Variants in ASXL2 observed in about 807,000 individuals in gnomAD.
The protein encoded by ASXL2 is ASXL transcriptional regulator 2, also known as putative Polycomb group protein ASXL2.
A neutral mutation model predicts 122.0 loss-of-function variants in ASXL2; 23 were observed. The ratio of observed to expected loss-of-function variants is 0.19; its 90% CI spans 0.14 to 0.27. ASXL2 has a LOEUF of 0.27. Among genes scored for constraint, ASXL2 ranks in the 10% least tolerant of loss-of-function variants. The pLI is 1.00. For synonymous variants in ASXL2, 650 were observed against 637.0 expected, an observed-to-expected ratio of 1.02 and a Z score of -0.31; for missense variants, 1,518 against 1,713.8, an observed-to-expected ratio of 0.89 and a Z score of 2.02.
intron 3 of ASXL2, among the ~76,000 whole-genome samples, chr2:25,831,191 C>G (rs2089446760): frequency 6.6e-6 from 1 of 151,946 alleles, no homozygotes; most frequent in Non-Finnish European, 1.5e-5. Flanking sequence ...CACCTGTAAT[C>G]CCAGCTACTC....
chr2:25,841,450 A>G (rs2089577108), intron 2 of ASXL2, among the ~76,000 whole-genome samples: 1 of 152,218 alleles, frequency 6.6e-6, no homozygotes, highest in Non-Finnish European at 1.5e-5. Context: ...GTGGGGAAAG[A>G]TAATGTCACT....
At chr2:25,841,757 C>A (rs1685291536) in intron 2 of ASXL2, among the ~76,000 whole-genome samples, 1 of 152,084 alleles carries the variant, frequency 6.6e-6, no homozygotes, top group Non-Finnish European at 1.5e-5. Flanking sequence ...ACCATCCTGG[C>A]TAACACAGTG....
At chr2:25,843,609 T>A (rs1313749286) in intron 2 of ASXL2, among the ~76,000 whole-genome samples, 3 of 151,946 alleles carry the variant, frequency 2.0e-5, no homozygotes, top group Non-Finnish European at 4.4e-5. Flanking sequence ...GAATTTAAAC[T>A]GCTTTAGAAA....
chr2:25,824,814 T>G (rs2089356896), intron 3 of ASXL2, among the ~76,000 whole-genome samples: 1 of 152,186 alleles, frequency 6.6e-6, no homozygotes, highest in Non-Finnish European at 1.5e-5. Flanking sequence ...ATGTCTAATT[T>G]CCCCACTGAG....
chr2:25,804,419 G>A (rs1047156878), intron 4 of ASXL2, among the ~76,000 whole-genome samples: 1 of 152,232 alleles, frequency 6.6e-6, no homozygotes, highest in Admixed American at 6.5e-5. Flanking sequence ...TCATGTGGGC[G>A]AAGCCAAACC....
chr2:25,786,243 C>CTTTTTTTTTTTTTTTTTTTTTTTT lies in ASXL2; in HGVS notation c.403+13141_403+13142insAAAAAAAAAAAAAAAAAAAAAAAA, dbSNP rs370316025. ...AAACAACCTACTACTCCACATCATT[C>CTTTTTTTTTTTTTTTTTTTTTTTT]TTTTTTTTTTTTTTTTGAGATGGAG... On this transcript the variant is annotated intron_variant, in intron 5 of 12. Coordinates refer to ENST00000435504, the MANE Select transcript of ASXL2 (RefSeq NM_018263.6). 7.1e-5 allele frequency among the ~76,000 whole-genome samples: 8 copies of CTTTTTTTTTTTTTTTTTTTTTTTT among 112,404 alleles called. 1 individual carries two copies. Among genetic ancestry groups the CTTTTTTTTTTTTTTTTTTTTTTTT allele is most frequent in the African/African-American group, 3.1e-4 (8 of 26,216 alleles). 73.7% of individuals were successfully genotyped at this position (112,404 alleles called of 152,430 possible).
chr2:25,735,960 T>C lies in ASXL2; in HGVS notation c.*6069A>G, dbSNP rs1343483879. The C allele has an allele frequency of 6.6e-6, 1 of 152,220 alleles. No homozygotes were observed. Among genetic ancestry groups the C allele is most frequent in the Non-Finnish European group, 1.5e-5 (1 of 68,032 alleles). The allele number at this position is 152,220 out of a possible 1,614,324, so 9.4% of individuals were successfully genotyped here. ...AAAAGGTAGTATTACTCCTTGAGCC[T>C]AGAACTAAAAACATGCTGTATAGTC... On this transcript the variant is annotated 3_prime_UTR_variant, in exon 13 of 13. Transcript: ENST00000435504.
In ASXL2 at chr2:25,743,227, T is replaced by C. The variant is rs1291317280; in HGVS notation, c.3110A>G (p.Gln1037Arg). The C allele has an allele frequency of 6.2e-7, 1 of 1,613,674 alleles. No homozygotes were observed. Among genetic ancestry groups the C allele is most frequent in the Non-Finnish European group, 8.5e-7 (1 of 1,179,764 alleles). ...KQLPQVPRPL[Q>R]LFSAKELRDS... ...CCTCAGCTCCTTAGCTGAAAAGAGC[T>C]GAAGGGGCCTTGGAACCTGGGGGAG... The change falls in exon 13 of 13, where the codon CAG becomes CGG. Residue 1037 changes from glutamine to arginine, a missense_variant. Gln to Arg is a conservative substitution (Grantham distance 43, BLOSUM62 1). Coordinates refer to ENST00000435504, the MANE Select transcript of ASXL2 (RefSeq NM_018263.6).
At chr2:25,796,395 G>T (rs1034269853) in intron 5 of ASXL2, among the ~76,000 whole-genome samples, 5 of 152,118 alleles carry the variant, frequency 3.3e-5, no homozygotes, top group African/African-American at 4.8e-5. Context: ...TCAAGAGTTG[G>T]TTTAAAATTT....
intron 3 of ASXL2, among the ~76,000 whole-genome samples, chr2:25,813,825 C>T (rs974191664): frequency 7.9e-5 from 12 of 152,124 alleles, no homozygotes; most frequent in African/African-American, 2.9e-4. Flanking sequence ...CCAAGGCAGG[C>T]GGATCATGAG....
intron 11 of ASXL2, among the ~76,000 whole-genome samples, chr2:25,752,971 A>AT (rs200703952): frequency 0.18 from 26,546 of 145,248 alleles, 2,505 homozygotes; most frequent in Non-Finnish European, 0.21. Flanking sequence ...TTAGAAATGT[A>AT]TTTTTTTTTT....
In ASXL2 at chr2:25,740,159, A is replaced by T. The variant is rs942680696; in HGVS notation, c.*1870T>A. 4.5e-6 allele frequency: 1 copy of T among 222,214 alleles called. No homozygotes were observed. The highest frequency in any genetic ancestry group is 9.0e-6 in the Non-Finnish European group (1 of 111,138). 13.8% of individuals were successfully genotyped at this position (222,214 alleles called of 1,614,324 possible). A position where few individuals can be genotyped will look rare whatever the true frequency, so the allele number is the denominator to read the frequency against. On this transcript the variant is annotated 3_prime_UTR_variant, in exon 13 of 13. Coordinates refer to ENST00000435504, the MANE Select transcript of ASXL2 (RefSeq NM_018263.6). ...AAGCTGGAACACAGATATTAATCCT[A>T]TATTGGCCTTGGGCCACAAAAAAGC...
intron 1 of ASXL2, among the ~76,000 whole-genome samples, chr2:25,868,268 T>G (rs983094316): frequency 6.6e-6 from 1 of 152,372 alleles, no homozygotes; most frequent in African/African-American, 2.4e-5. Flanking sequence ...AGCCAGCTAC[T>G]GAATAATTCA....
At chr2:25,784,989 A>C (rs990294371) in intron 5 of ASXL2, among the ~76,000 whole-genome samples, 2 of 152,204 alleles carry the variant, frequency 1.3e-5, no homozygotes, top group African/African-American at 4.8e-5. Context: ...CATTCATTGA[A>C]TATAAGCTAT....
rs377323490 is a variant in ASXL2, at chr2:25,774,394, G to A, written c.404-2854C>T. ...AGCTATCTTTTTGTGATCCCAGCCG[G>A]TCACAATCTTCAAGGATGAGCACTA... On this transcript the variant is annotated intron_variant, in intron 5 of 12. Coordinates refer to ENST00000435504, the MANE Select transcript of ASXL2 (RefSeq NM_018263.6). 3.3e-5 allele frequency among the ~76,000 whole-genome samples: 5 copies of A among 152,200 alleles called. No individual in the cohort carries two copies. In the East Asian group the frequency reaches 9.6e-4, roughly 29 times the overall value.
intron 1 of ASXL2, among the ~76,000 whole-genome samples, chr2:25,863,768 G>A (rs1452667428): frequency 6.6e-6 from 1 of 151,820 alleles, no homozygotes; most frequent in Non-Finnish European, 1.5e-5. Context: ...CACTTTGGGA[G>A]GCCAAAGCAA....
chr2:25,769,185 T>C (rs144287752), intron 6 of ASXL2, among the ~76,000 whole-genome samples: 1,858 of 152,244 alleles, frequency 0.012, 19 homozygotes, highest in Non-Finnish European at 0.019. Context: ...TTTTTGGAAC[T>C]TAAAAAAATC....
intron 2 of ASXL2, 181 bp downstream of exon 2, chr2:25,845,300 T>C: frequency 9.1e-7 from 1 of 1,094,034 alleles, no homozygotes. Context: ...CCTTCTGGTT[T>C]AAAACTTTCT....
chr2:25,766,974 G>A (rs1231697403), intron 8 of ASXL2, among the ~76,000 whole-genome samples: 1 of 152,142 alleles, frequency 6.6e-6, no homozygotes, highest in Non-Finnish European at 1.5e-5. Context: ...TTATGTGGCT[G>A]CTTTATCCCT....
Sources: allele counts gnomAD v4.1 joint callset (sites outside exome capture counted in the v4.1 genomes callset), GRCh38; gene constraint gnomAD v4.1.1; transcripts MANE v1.5; gene names NCBI Gene and HGNC (gene_info 2026-07-23, HGNC 2026-07-21).